Variants in ARHGEF26 observed in about 807,000 individuals in gnomAD.
The protein encoded by ARHGEF26 is Rho guanine nucleotide exchange factor 26.
A neutral mutation model predicts 89.4 loss-of-function variants in ARHGEF26; 59 were observed. That is an observed-to-expected ratio of 0.66 (90% CI 0.54 to 0.82). ARHGEF26 has a LOEUF of 0.82. Among genes scored for constraint, ARHGEF26 ranks in the 40% least tolerant of loss-of-function variants. ARHGEF26 has a pLI of 0.00. For synonymous variants in ARHGEF26, 500 were observed against 428.4 expected (o/e 1.17, Z -2.06); for missense variants, 1,234 against 1,085.6 (o/e 1.14, Z -1.92).
rs1051580898 is a variant in ARHGEF26, at chr3:154,257,459, G to T, written c.*1986G>T. ...TTTGTGCTTGCACGGGGATCATTTT[G>T]TATTATTTTTGCTAATACCCAGTTG... On this transcript the variant is annotated 3_prime_UTR_variant, in exon 15 of 15. Coordinates refer to ENST00000465093, the MANE Select transcript of ARHGEF26 (RefSeq NM_015595.4). The T allele has an allele frequency of 1.3e-5, 2 of 152,172 alleles. No homozygotes were observed. The highest frequency in any genetic ancestry group is 4.8e-5 in the African/African-American group (2 of 41,454). 9.4% of individuals were successfully genotyped at this position (152,172 alleles called of 1,614,324 possible).
At chr3:154,171,382 G>C (rs1193624009) in intron 6 of ARHGEF26, among the ~76,000 whole-genome samples, 1 of 152,140 alleles carries the variant, frequency 6.6e-6, no homozygotes, top group Admixed American at 6.5e-5. Flanking sequence ...ATCACCTAAA[G>C]TACATAATTT....
intron 6 of ARHGEF26, among the ~76,000 whole-genome samples, chr3:154,157,328 G>A (rs1204028971): frequency 1.3e-5 from 2 of 152,120 alleles, no homozygotes; most frequent in Non-Finnish European, 1.5e-5. Context: ...GCGTTTTAGG[G>A]CACTTTCCTT....
At chr3:154,167,765 T>C (rs1477320633) in intron 6 of ARHGEF26, among the ~76,000 whole-genome samples, 1 of 152,198 alleles carries the variant, frequency 6.6e-6, no homozygotes, top group Non-Finnish European at 1.5e-5. Flanking sequence ...CTGAATGATT[T>C]CTAAATCTGG....
intron 4 of ARHGEF26, among the ~76,000 whole-genome samples, chr3:154,131,205 C>T (rs887882561): frequency 1.3e-5 from 2 of 152,022 alleles, no homozygotes; most frequent in Admixed American, 6.5e-5. Flanking sequence ...GGTGAACAGG[C>T]CTTATATAAA....
intron 12 of ARHGEF26, among the ~76,000 whole-genome samples, chr3:154,244,682 A>G (rs1156416152): frequency 6.6e-6 from 1 of 151,806 alleles, no homozygotes; most frequent in Non-Finnish European, 1.5e-5. Context: ...ACAAAATATT[A>G]TCAATAACAA....
At position 154,255,884 on chromosome 3, in the gene ARHGEF26, A is replaced by T; in HGVS notation, c.*411A>T. 1 of 993,316 alleles carries T rather than the reference A, an allele frequency of 1.0e-6. No homozygotes were observed. Among genetic ancestry groups the T allele is most frequent in the South Asian group, 4.7e-5 (1 of 21,424 alleles). The allele number at this position is 993,316 out of a possible 1,614,324, so 61.5% of individuals were successfully genotyped here. On this transcript the variant is annotated 3_prime_UTR_variant, in exon 15 of 15. Transcript: ENST00000465093. ...GTTCTCCCAGTATTAGCAAGATTGT[A>T]TATCTGTAAAGAATGTCCAGTTTTG... is the stretch of plus-strand genomic sequence containing the variant.
intron 6 of ARHGEF26, chr3:154,187,258 T>C (rs1157807311): frequency 1.0e-6 from 1 of 956,370 alleles, no homozygotes. Context: ...CAATAAAATA[T>C]ATAAGCATTC....
chr3:154,130,902 C>T (rs761311089), intron 4 of ARHGEF26, among the ~76,000 whole-genome samples: 5 of 152,126 alleles, frequency 3.3e-5, no homozygotes, highest in Non-Finnish European at 7.3e-5. Context: ...TGCTGTATAG[C>T]CAGGGCCGTG....
At chr3:154,183,965 T>C (rs939348708) in intron 6 of ARHGEF26, among the ~76,000 whole-genome samples, 1 of 148,030 alleles carries the variant, frequency 6.8e-6, no homozygotes, top group Non-Finnish European at 1.5e-5. Flanking sequence ...TCTTCTTTTT[T>C]CAATTTTCTT....
intron 9 of ARHGEF26, among the ~76,000 whole-genome samples, chr3:154,214,800 C>T (rs543751383): frequency 6.6e-6 from 1 of 152,184 alleles, no homozygotes; most frequent in African/African-American, 2.4e-5. Flanking sequence ...CAGGGTATTG[C>T]AGTTTCAGGT....
chr3:154,156,673 T>C (rs184378135), intron 6 of ARHGEF26, among the ~76,000 whole-genome samples: 1 of 152,324 alleles, frequency 6.6e-6, no homozygotes, highest in East Asian at 1.9e-4. Flanking sequence ...ACTCAGAAGA[T>C]TTATTTGCAA....
chr3:154,128,691 C>T (rs549069709), intron 3 of ARHGEF26, among the ~76,000 whole-genome samples: 82 of 152,274 alleles, frequency 5.4e-4, no homozygotes, highest in Non-Finnish European at 5.0e-4. Context: ...GCTGTTTGGG[C>T]ACTAGTTCTT....
intron 9 of ARHGEF26, among the ~76,000 whole-genome samples, chr3:154,211,203 A>G (rs1049888465): frequency 1.3e-5 from 2 of 152,084 alleles, no homozygotes; most frequent in Non-Finnish European, 2.9e-5. Context: ...CTCTGGGCCT[A>G]GTTCAGCACT....
chr3:154,212,564 G>C (rs1715442873), intron 9 of ARHGEF26, among the ~76,000 whole-genome samples: 1 of 118,588 alleles, frequency 8.4e-6, no homozygotes, highest in South Asian at 3.0e-4. Flanking sequence ...CCCCAGACTA[G>C]TTTCATGGAA....
At chr3:154,124,541 C>A in intron 3 of ARHGEF26, 92 bp downstream of exon 3, 2 of 1,148,512 alleles carry the variant, frequency 1.7e-6, no homozygotes, top group Non-Finnish European at 2.4e-6. Context: ...AAAATGCTTA[C>A]GATGAGAAAT....
chr3:154,208,738 G>GT (rs1226333716), intron 9 of ARHGEF26, among the ~76,000 whole-genome samples: 1 of 148,222 alleles, frequency 6.7e-6, no homozygotes, highest in African/African-American at 2.5e-5. Flanking sequence ...AAGGACTCTG[G>GT]TGCAGTATTC....
At chr3:154,242,807 G>C (rs1225742015) in intron 12 of ARHGEF26, among the ~76,000 whole-genome samples, 1 of 151,642 alleles carries the variant, frequency 6.6e-6, no homozygotes, top group Non-Finnish European at 1.5e-5. Flanking sequence ...CATCACCCTA[G>C]TCAGCAGCCA....
At chr3:154,226,132 T>C in intron 11 of ARHGEF26, 122 bp downstream of exon 11, 2 of 811,268 alleles carry the variant, frequency 2.5e-6, no homozygotes, top group East Asian at 3.0e-5. Flanking sequence ...TTCTACATAC[T>C]GAATCATAAT....
chr3:154,202,675 C>T (rs1024946196), intron 9 of ARHGEF26, among the ~76,000 whole-genome samples: 14 of 151,978 alleles, frequency 9.2e-5, no homozygotes, highest in Admixed American at 2.0e-4. Context: ...TCTTTTATTT[C>T]GTTGAGCAGT....
Sources: allele counts gnomAD v4.1 joint callset (sites outside exome capture counted in the v4.1 genomes callset), GRCh38; gene constraint gnomAD v4.1.1; transcripts MANE v1.5; gene names NCBI Gene and HGNC (gene_info 2026-07-23, HGNC 2026-07-21).